Variants in LAMC2 observed in about 807,000 individuals in gnomAD.
LAMC2 encodes laminin subunit gamma 2, also known as laminin subunit gamma-2.
LAMC2 carries 97 observed loss-of-function variants against 140.2 expected under a neutral mutation model. The observed-to-expected ratio is 0.69, with a 90% CI of 0.59 to 0.82. The LOEUF (loss-of-function observed/expected upper bound fraction) is 0.82, where lower values mean the gene tolerates loss of function less well. LAMC2 is among the 40% of genes least tolerant of loss of function. The pLI, the probability that LAMC2 is intolerant of heterozygous loss-of-function variation, is 0.00. For synonymous variants in LAMC2, 513 were observed against 540.2 expected, an observed-to-expected ratio of 0.95 and a Z score of 0.70; for missense variants, 1,402 against 1,476.1, an observed-to-expected ratio of 0.95 and a Z score of 0.82.
At chr1:183,225,128 T>C (rs1285251554) in intron 7 of LAMC2, among the ~76,000 whole-genome samples, 1 of 152,186 alleles carries the variant, frequency 6.6e-6, no homozygotes, top group Non-Finnish European at 1.5e-5. Context: ...GCCAAAATGA[T>C]GCCAAATTAA....
intron 1 of LAMC2, among the ~76,000 whole-genome samples, chr1:183,194,791 A>T (rs938093911): frequency 6.6e-6 from 1 of 152,210 alleles, no homozygotes; most frequent in African/African-American, 2.4e-5. Flanking sequence ...ATGTCCAGAG[A>T]ACACTATGCT....
In LAMC2 at chr1:183,227,565, C is replaced by T. The variant is rs1386139080; in HGVS notation, c.1336C>T (p.Pro446Ser). The T allele has an allele frequency of 6.2e-7, 1 of 1,613,978 alleles. No individual in the cohort carries two copies. Among genetic ancestry groups the T allele is most frequent in the Non-Finnish European group, 8.5e-7 (1 of 1,180,022 alleles). The change falls in exon 10 of 23, where the codon CCA becomes TCA. Residue 446 changes from proline (P) to serine (S), a missense_variant. This residue lies in a region of LAMC2 where 723 missense variants were observed against 783.3 expected (regional missense o/e 0.92). Coordinates refer to ENST00000264144, the MANE Select transcript of LAMC2 (RefSeq NM_005562.3). ...TCCTGACATTGAGTGTGCTGACTGC[C>T]CAATTGGTTTCTACAACGATCCGCA... is the stretch of plus-strand genomic sequence containing the variant. ...ENPDIECADC[P>S]IGFYNDPHDP...
At chr1:183,246,181 A>AC (rs1231605386), downstream of LAMC2, among the ~76,000 whole-genome samples, 459 of 152,120 alleles carry the variant, frequency 3.0e-3, 6 homozygotes, top group African/African-American at 0.01. Context: ...AAAAAAAAAA[A>AC]AAAAAAGGTC....
chr1:183,253,543 A>G, the LAMC2 span, among the ~76,000 whole-genome samples: 5,055 of 152,128 alleles, frequency 0.033, 130 homozygotes, highest in South Asian at 0.12. Context: ...TGTTTGTCCT[A>G]CATATTTGCT....
In LAMC2 at chr1:183,226,759, AC is replaced by A; in HGVS notation, c.1131del (p.Trp378GlyfsTer95). 1 of 1,614,208 alleles carries A rather than the reference AC, an allele frequency of 6.2e-7. No individual in the cohort carries two copies. Among genetic ancestry groups the A allele is most frequent in the Non-Finnish European group, 8.5e-7 (1 of 1,180,038 alleles). On this transcript the variant is annotated frameshift_variant, in exon 9 of 23. Coordinates refer to ENST00000264144, the MANE Select transcript of LAMC2 (RefSeq NM_005562.3). LOFTEE classifies it high-confidence loss of function. ...SARPVSGAPA[P>X]WVEQCICPVG... ...CCCGCCCTGTCTCTGGAGCCCCAGC[AC>A]CCTGGGTTGAACAGTGTATATGTCC...
In LAMC2 at chr1:183,228,536, A is replaced by G; in HGVS notation, c.1631A>G (p.Asn544Ser). 1 of 1,613,932 alleles carries G rather than the reference A, an allele frequency of 6.2e-7. No homozygotes were observed. The highest frequency in any genetic ancestry group is 8.5e-7 in the Non-Finnish European group (1 of 1,179,994). Residue 544 changes from asparagine to serine, a missense_variant, in exon 11 of 23, where the codon AAC (asparagine) becomes AGC (serine). Around this residue, in one of 3 missense-constraint regions of LAMC2, gnomAD observed 723 missense variants for 783.3 expected, o/e 0.92. Transcript: ENST00000264144. The surrounding 1 kb of genome is among the most constrained non-coding windows in gnomAD (Gnocchi z 4.3). ...GGCAGGTGTTTGAAGTGTATCCACA[A>G]CACAGCCGGCATCTACTGCGACCAG... Reference protein sequence around the residue: ...LTGRCLKCIHNTAGIYCDQCK... With the variant: ...LTGRCLKCIHSTAGIYCDQCK...
In LAMC2 at chr1:183,243,772, A is replaced by T. The variant is rs952388586; in HGVS notation, c.*372A>T. 3 of 306,952 alleles carry T rather than the reference A, an allele frequency of 9.8e-6. No individual in the cohort carries two copies. The highest frequency in any genetic ancestry group is 1.9e-5 in the Non-Finnish European group (3 of 159,798). The allele number at this position is 306,952 out of a possible 1,614,324, so 19.0% of individuals were successfully genotyped here. A position where few individuals can be genotyped will look rare whatever the true frequency, so the allele number is the denominator to read the frequency against. ...GATATAGTCAACTTATTCTTTGAGTAATGTGACTAAAGGAAAAAACTTTGA... is the reference window on the plus strand; with the variant it reads ...GATATAGTCAACTTATTCTTTGAGTTATGTGACTAAAGGAAAAAACTTTGA... On this transcript the variant is annotated 3_prime_UTR_variant, in exon 23 of 23. Coordinates refer to ENST00000264144, the MANE Select transcript of LAMC2 (RefSeq NM_005562.3).
At chr1:183,227,871 G>A (rs1180863962) in intron 10 of LAMC2, among the ~76,000 whole-genome samples, 174 bp downstream of exon 10, 1 of 152,174 alleles carries the variant, frequency 6.6e-6, no homozygotes, top group African/African-American at 2.4e-5. Flanking sequence ...ATGCCCAAGA[G>A]GTGAAGTGGA....
At chr1:183,246,192 G>GT, downstream of LAMC2, among the ~76,000 whole-genome samples, 1 of 150,156 alleles carries the variant, frequency 6.7e-6, no homozygotes, top group African/African-American at 2.4e-5. Flanking sequence ...AAAAAAGGTC[G>GT]TAAGACTGTC....
chr1:183,237,127 A>G (rs1231135094), intron 17 of LAMC2, among the ~76,000 whole-genome samples: 8 of 152,270 alleles, frequency 5.3e-5, no homozygotes, highest in Non-Finnish European at 7.3e-5. Context: ...AAAAAATGAA[A>G]AAGAACAGAG....
Position 183,236,351 on chromosome 1 carries a change from T to C in LAMC2, c.2457-109T>C, listed in dbSNP as rs952215516. 14 of 1,028,172 alleles carry C rather than the reference T, an allele frequency of 1.4e-5. No homozygotes were observed. The African/African-American group carries it at 1.5e-4, about 11-fold the overall frequency. The allele number at this position is 1,028,172 out of a possible 1,614,324, so 63.7% of individuals were successfully genotyped here. A position where few individuals can be genotyped will look rare whatever the true frequency, so the allele number is the denominator to read the frequency against. ...CTATAGTGAGCTGTGATCACGCCAC[T>C]GCACTCCAGCCTGGACAACAGAGTG... On this transcript the variant is annotated intron_variant, in intron 16 of 22. Coordinates refer to ENST00000264144, the MANE Select transcript of LAMC2 (RefSeq NM_005562.3).
chr1:183,235,560 T>C lies in LAMC2; in HGVS notation c.2301-15T>C, dbSNP rs775226318. ...TGCGTGAAAACTCTTATTCTTTTGTTTTTAATCCTTTCAGCCACGTTGAGT... is the reference window on the plus strand; with the variant it reads ...TGCGTGAAAACTCTTATTCTTTTGTCTTTAATCCTTTCAGCCACGTTGAGT... On this transcript the variant is annotated splice_polypyrimidine_tract_variant and intron_variant, in intron 15 of 22. Coordinates refer to ENST00000264144, the MANE Select transcript of LAMC2 (RefSeq NM_005562.3). 1.2e-6 allele frequency: 2 copies of C among 1,614,010 alleles called. No homozygotes were observed. Among genetic ancestry groups the C allele is most frequent in the East Asian group, 2.2e-5 (1 of 44,880 alleles).
chr1:183,222,240 G>A (rs1399857568), intron 6 of LAMC2, 29 bp downstream of exon 6: 1 of 1,608,534 alleles, frequency 6.2e-7, no homozygotes, highest in African/African-American at 1.3e-5. Flanking sequence ...CTCCTATAGA[G>A]GCCAGCTTAT....
intron 3 of LAMC2, among the ~76,000 whole-genome samples, chr1:183,217,201 G>T (rs530787541): frequency 4.7e-4 from 71 of 152,138 alleles, no homozygotes; most frequent in Non-Finnish European, 7.8e-4. Context: ...GAACGGATCA[G>T]TAGAGAAGAG....
Position 183,208,062 on chromosome 1 carries a change from C to T in LAMC2, c.261C>T (p.Asn87=). The T allele has an allele frequency of 6.2e-7, 1 of 1,613,758 alleles. No homozygotes were observed. The highest frequency in any genetic ancestry group is 8.5e-7 in the Non-Finnish European group (1 of 1,179,842). ...ERDRCLPCNC[N]SKGSLSARCD... The stretch of plus-strand genomic sequence containing the variant: ...ACCGCTGTTTGCCCTGCAATTGTAA[C>T]TCCAAAGGTAGCTGAAAAGGACGGA... Residue 87 remains asparagine (N), a synonymous_variant, in exon 2 of 23, where the codon AAC becomes AAT. Transcript: ENST00000264144.
chr1:183,225,345 T>A (rs1659594154), intron 7 of LAMC2, among the ~76,000 whole-genome samples: 1 of 152,180 alleles, frequency 6.6e-6, no homozygotes, highest in Non-Finnish European at 1.5e-5. Context: ...CTTGCGATCA[T>A]CATGGTTTCA....
the LAMC2 span, among the ~76,000 whole-genome samples, chr1:183,257,377 G>T: frequency 6.6e-6 from 1 of 152,100 alleles, no homozygotes; most frequent in Non-Finnish European, 1.5e-5. Flanking sequence ...GGACGCGGAG[G>T]TTGCAGTGAG....
intron 1 of LAMC2, among the ~76,000 whole-genome samples, chr1:183,199,723 G>T (rs1449495649): frequency 1.3e-5 from 2 of 152,202 alleles, no homozygotes; most frequent in Non-Finnish European, 2.9e-5. Context: ...GAGAGAAGCT[G>T]CCAGAAGGTA....
rs1156326322 is a variant in LAMC2 at position 183,207,913 on chromosome 1, A to G, written c.112A>G (p.Ile38Val). 2 of 1,609,762 alleles carry G rather than the reference A, an allele frequency of 1.2e-6. No homozygotes were observed. The highest frequency in any genetic ancestry group is 2.2e-5 in the East Asian group (1 of 44,666). Residue 38 changes from isoleucine (I) to valine (V), a missense_variant, in exon 2 of 23, where the codon ATC becomes GTC. Around this residue, in one of 3 missense-constraint regions of LAMC2, gnomAD observed 723 missense variants for 783.3 expected, o/e 0.92. Transcript: ENST00000264144. ...CDCNGKSRQCIFDRELHRQTG... is the reference protein window; with the variant it reads ...CDCNGKSRQCVFDRELHRQTG... ...TTGCAATGGGAAGTCCAGGCAGTGT[A>G]TCTTTGATCGGGAACTTCACAGACA... is the stretch of plus-strand genomic sequence containing the variant.
Sources: allele counts gnomAD v4.1 joint callset (sites outside exome capture counted in the v4.1 genomes callset), GRCh38; gene constraint gnomAD v4.1.1; regional missense constraint gnomAD v4.1.1; non-coding constraint Gnocchi (gnomAD v3.1); transcripts MANE v1.5; gene names NCBI Gene and HGNC (gene_info 2026-07-23, HGNC 2026-07-21).